ACSS2: variants seen among roughly 807,000 people sequenced by gnomAD.
ACSS2 encodes acyl-CoA synthetase short chain family member 2.
ACSS2 carries 58 observed loss-of-function variants against 90.6 expected under a neutral mutation model. The observed-to-expected ratio is 0.64, with a 90% CI of 0.52 to 0.80. ACSS2 has a LOEUF of 0.80. Among genes scored for constraint, ACSS2 ranks in the 30% least tolerant of loss-of-function variants. The pLI, the probability that ACSS2 is intolerant of heterozygous loss-of-function variation, is 0.00. For missense variants in ACSS2, 759 were observed against 912.0 expected, an observed-to-expected ratio of 0.83 and a Z score of 2.16; for synonymous variants, 300 against 330.9, an observed-to-expected ratio of 0.91 and a Z score of 1.01.
intron 4 of ACSS2, 90 bp from the exon 5 acceptor site, chr20:34,913,663 G>T: frequency 7.4e-7 from 1 of 1,358,066 alleles, no homozygotes; most frequent in Non-Finnish European, 1.1e-6. Context: ...CTGGCTTAGA[G>T]ATCCTGAAAG....
intron 2 of ACSS2, among the ~76,000 whole-genome samples, chr20:34,902,854 T>C (rs1214027625): frequency 6.6e-6 from 1 of 151,222 alleles, no homozygotes; most frequent in Non-Finnish European, 1.5e-5. Context: ...GCCTCCTGAG[T>C]AGCTGAAACT....
chr20:34,900,947 C>CTAGA (rs1231213887), intron 2 of ACSS2, among the ~76,000 whole-genome samples: 2 of 152,190 alleles, frequency 1.3e-5, no homozygotes, highest in African/African-American at 4.8e-5. Context: ...AGGCCCTGAA[C>CTAGA]TAGACATTTA....
At chr20:34,916,159 G>A (rs771819858) in intron 7 of ACSS2, among the ~76,000 whole-genome samples, 1 of 152,094 alleles carries the variant, frequency 6.6e-6, no homozygotes, top group Admixed American at 6.6e-5. Context: ...GATTCCTAGG[G>A]CATACTGCTT....
chr20:34,912,992 G>A, intron 2 of ACSS2, 104 bp from the exon 3 acceptor site: 1 of 890,202 alleles, frequency 1.1e-6, no homozygotes, highest in Non-Finnish European at 1.9e-6. Flanking sequence ...TCATAGAACA[G>A]TTCCAGGCCT....
chr20:34,886,584 A>ACTGC, intron 2 of ACSS2, among the ~76,000 whole-genome samples: 1 of 152,298 alleles, frequency 6.6e-6, no homozygotes, highest in East Asian at 1.9e-4. Flanking sequence ...AGATCACACC[A>ACTGC]CTGCCCTCCA....
rs78678869 is a variant in ACSS2 at position 34,917,607 on chromosome 20, C to T, written c.835-1828C>T. ...TAATGGGAGAATGGCATTTATCTTA[C>T]ACCATCATGTCTACCTGCCAGCCAG... On this transcript the variant is annotated intron_variant, in intron 7 of 17. Transcript: ENST00000360596. Among the ~76,000 whole-genome samples the T allele has an allele frequency of 2.0e-3, 297 of 152,304 alleles. 1 individual carries two copies. The highest frequency in any genetic ancestry group is 3.3e-3 in the Non-Finnish European group (224 of 68,028).
At chr20:34,899,077 G>A (rs918255049) in intron 2 of ACSS2, among the ~76,000 whole-genome samples, 1 of 152,206 alleles carries the variant, frequency 6.6e-6, no homozygotes, top group Admixed American at 6.5e-5. Context: ...GGGGCCGGCA[G>A]GGCCGGCCGG....
chr20:34,920,452 G>A lies in ACSS2; in HGVS notation c.973-87G>A, dbSNP rs2081171565. On this transcript the variant is annotated intron_variant, in intron 8 of 17. Coordinates refer to ENST00000360596, the MANE Select transcript of ACSS2 (RefSeq NM_018677.4). ...TGGCAGGGCTGGAATCCCTGAGGAG[G>A]ATCTTCCTCCAGCTCTGCCCAGCCT... 2.2e-6 allele frequency: 3 copies of A among 1,364,724 alleles called. No homozygotes were observed. The African/African-American group carries it at 4.3e-5, about 20-fold the overall frequency. 84.5% of individuals were successfully genotyped at this position (1,364,724 alleles called of 1,614,324 possible). A position where few individuals can be genotyped will look rare whatever the true frequency, so the allele number is the denominator to read the frequency against.
chr20:34,908,842 C>T (rs1381411087), intron 2 of ACSS2: 1 of 384,552 alleles, frequency 2.6e-6, no homozygotes, highest in Non-Finnish European at 4.9e-6. Flanking sequence ...GCCTGGGCAA[C>T]AGGAGCAAAA....
chr20:34,927,048 G>A lies in ACSS2; in HGVS notation c.1979-39G>A. 9 of 1,614,158 alleles carry A rather than the reference G, an allele frequency of 5.6e-6. No individual in the cohort carries two copies. The highest frequency in any genetic ancestry group is 7.6e-6 in the Non-Finnish European group (9 of 1,180,000). On this transcript the variant is annotated intron_variant, in intron 17 of 17. Transcript: ENST00000360596. This position sits in a 1 kb window ranked among gnomAD's most constrained non-coding sequence, Gnocchi z 4.2. Reference sequence around the variant, plus strand: ...CCTTTGGCAGGGCTAGGGTGGGTCAGTGCTTTCACCAAGTAACTAGAGGTC... The same window carrying A: ...CCTTTGGCAGGGCTAGGGTGGGTCAATGCTTTCACCAAGTAACTAGAGGTC...
chr20:34,918,021 T>C (rs2081112792), intron 7 of ACSS2, among the ~76,000 whole-genome samples: 1 of 152,156 alleles, frequency 6.6e-6, no homozygotes, highest in Non-Finnish European at 1.5e-5. Context: ...CCTCCCAAAG[T>C]GCTGGGATTA....
In ACSS2 at chr20:34,927,014, G is replaced by T; in HGVS notation, c.1978+63G>T. On this transcript the variant is annotated intron_variant, in intron 17 of 17. Transcript: ENST00000360596. The surrounding 1 kb of genome is among the most constrained non-coding windows in gnomAD (Gnocchi z 4.2). ...GGCCTGGTGGTGGTGGGGTGTGCGT[G>T]GATGAAAGCCTTTGGCAGGGCTAGG... 3.7e-6 allele frequency: 6 copies of T among 1,613,874 alleles called. No homozygotes were observed. The highest frequency in any genetic ancestry group is 5.1e-6 in the Non-Finnish European group (6 of 1,179,796).
At chr20:34,898,446 A>C (rs1302101230) in intron 2 of ACSS2, among the ~76,000 whole-genome samples, 1 of 152,138 alleles carries the variant, frequency 6.6e-6, no homozygotes, top group South Asian at 2.1e-4. Context: ...GAGTAGCTAG[A>C]TACAGAGTGT....
intron 2 of ACSS2, among the ~76,000 whole-genome samples, chr20:34,889,369 T>G (rs1330117654): frequency 2.0e-5 from 3 of 151,070 alleles, no homozygotes; most frequent in Non-Finnish European, 4.4e-5. Flanking sequence ...TGATCCACTC[T>G]CCTCGGCCTC....
intron 2 of ACSS2, among the ~76,000 whole-genome samples, chr20:34,899,427 C>CTTTCTCT (rs1568977263): frequency 8.6e-6 from 1 of 115,876 alleles, no homozygotes; most frequent in Non-Finnish European, 1.7e-5. Flanking sequence ...TCTTTCTTTC[C>CTTTCTCT]TTCCTTCCTT....
chr20:34,926,377 C>A, intron 16 of ACSS2, 96 bp downstream of exon 16: 1 of 1,369,338 alleles, frequency 7.3e-7, no homozygotes, highest in Non-Finnish European at 9.9e-7. Context: ...AGCTGCTCCC[C>A]AAACCACAAA....
intron 2 of ACSS2, among the ~76,000 whole-genome samples, chr20:34,912,701 C>T (rs1282467166): frequency 6.6e-6 from 1 of 152,216 alleles, no homozygotes; most frequent in Non-Finnish European, 1.5e-5. Context: ...TACAAATCCT[C>T]TAGATGATTT....
intron 14 of ACSS2, among the ~76,000 whole-genome samples, chr20:34,923,789 A>T (rs2081252997): frequency 1.3e-5 from 2 of 151,726 alleles, no homozygotes; most frequent in Admixed American, 1.3e-4. Flanking sequence ...CAAGCCATTC[A>T]TGAGGGATCT....
intron 2 of ACSS2, 46 bp from the exon 3 acceptor site, chr20:34,913,050 G>A (rs750959540): frequency 4.2e-6 from 6 of 1,444,776 alleles, no homozygotes; most frequent in East Asian, 2.3e-5. Flanking sequence ...CTTGTTTGGG[G>A]AAGAAGTTAT....
Sources: gnomAD v4.1 joint callset for allele counts (sites outside exome capture counted in the v4.1 genomes callset) on GRCh38, gnomAD v4.1.1 for gene constraint, Gnocchi (gnomAD v3.1) non-coding constraint, MANE v1.5 for transcripts, NCBI Gene and HGNC (gene_info 2026-07-23, HGNC 2026-07-21) for gene names.